The following SLC26A7 variants were observed in gnomAD, a reference collection of about 807,000 sequenced individuals.
SLC26A7 encodes solute carrier family 26 member 7.
SLC26A7 carries 59 observed loss-of-function variants against 82.5 expected under a neutral mutation model. The ratio of observed to expected loss-of-function variants is 0.72; its 90% CI spans 0.58 to 0.89. The LOEUF (loss-of-function observed/expected upper bound fraction) is 0.89. Ranked by LOEUF, SLC26A7 falls within the 40% of genes least tolerant of loss-of-function variation. The probability of loss-of-function intolerance (pLI) is 0.00; values close to 1 mark genes in which losing one functional copy is unlikely to be tolerated. For synonymous variants in SLC26A7, 271 were observed against 274.3 expected (o/e 0.99, Z 0.12); for missense variants, 820 against 793.0 (o/e 1.03, Z -0.41).
At chr8:91,318,933 A>G (rs1812716637) in intron 5 of SLC26A7, among the ~76,000 whole-genome samples, 1 of 152,212 alleles carries the variant, frequency 6.6e-6, no homozygotes, top group Non-Finnish European at 1.5e-5. Flanking sequence ...TAAAATCTAT[A>G]ACCGCTCAAG....
intron 15 of SLC26A7, among the ~76,000 whole-genome samples, chr8:91,380,591 C>T (rs1377182088): frequency 1.3e-5 from 2 of 152,016 alleles, no homozygotes; most frequent in African/African-American, 4.8e-5. Flanking sequence ...TATGACATAC[C>T]ATTAAGATAG....
chr8:91,385,627 T>C (rs1814779716), intron 15 of SLC26A7, among the ~76,000 whole-genome samples: 1 of 152,136 alleles, frequency 6.6e-6, no homozygotes, highest in Admixed American at 6.5e-5. Context: ...AATACTTCAA[T>C]TAAAGGGATA....
At chr8:91,356,142 G>T (rs1379920133) in intron 11 of SLC26A7, among the ~76,000 whole-genome samples, 1 of 152,104 alleles carries the variant, frequency 6.6e-6, no homozygotes, top group Non-Finnish European at 1.5e-5. Flanking sequence ...TGGACATTTG[G>T]GTTGGTTCCA....
intron 11 of SLC26A7, among the ~76,000 whole-genome samples, chr8:91,355,806 C>T (rs549416034): frequency 1.3e-5 from 2 of 151,958 alleles, no homozygotes; most frequent in East Asian, 3.9e-4. Flanking sequence ...ATACATGTGC[C>T]ATGTTGGTGT....
chr8:91,236,201 G>T (rs1810390967), intron 2 of SLC26A7, among the ~76,000 whole-genome samples: 1 of 152,080 alleles, frequency 6.6e-6, no homozygotes, highest in African/African-American at 2.4e-5. Context: ...GCATGAAAAA[G>T]AAAATAGAAA....
intron 11 of SLC26A7, among the ~76,000 whole-genome samples, chr8:91,358,847 C>T (rs1474315666): frequency 6.6e-6 from 1 of 151,974 alleles, no homozygotes; most frequent in Non-Finnish European, 1.5e-5. Context: ...AACCAAACAC[C>T]ACATGTTCTC....
In SLC26A7 at chr8:91,395,305, T is replaced by C. The variant is rs1307451673; in HGVS notation, c.*208T>C. 1 of 1,289,862 alleles carries C rather than the reference T, an allele frequency of 7.8e-7. No individual in the cohort carries two copies. The highest frequency in any genetic ancestry group is 1.0e-6 in the Non-Finnish European group (1 of 998,652). The allele number at this position is 1,289,862 out of a possible 1,614,324, so 79.9% of individuals were successfully genotyped here. ...GTTAGTAAGAAGATTCGCTTAGTTA[T>C]TTTATGTAAAAATCAGTATGTGTTT... On this transcript the variant is annotated 3_prime_UTR_variant, in exon 19 of 19. Transcript: ENST00000276609.
intron 15 of SLC26A7, among the ~76,000 whole-genome samples, chr8:91,373,034 G>A (rs981124902): frequency 2.6e-5 from 4 of 151,690 alleles, no homozygotes; most frequent in Admixed American, 2.6e-4. Flanking sequence ...CTTCAGCTTT[G>A]TTGGTGTACA....
chr8:91,237,762 A>G (rs1810412318), intron 2 of SLC26A7, among the ~76,000 whole-genome samples: 1 of 152,178 alleles, frequency 6.6e-6, no homozygotes, highest in African/African-American at 2.4e-5. Context: ...TTCAACTGCA[A>G]TCTGGTTTCT....
intron 2 of SLC26A7, among the ~76,000 whole-genome samples, chr8:91,233,444 G>T (rs1416346972): frequency 6.6e-6 from 1 of 152,050 alleles, no homozygotes; most frequent in Non-Finnish European, 1.5e-5. Flanking sequence ...GCACACACCT[G>T]TAATCCTAGC....
Position 91,393,826 on chromosome 8 carries a change from G to A in SLC26A7, c.1806G>A (p.Val602=). ...ACATGGACTGTAAAGGCAGGAGTGTGGATGTATTGTTAGCCCATTGTACAG... is the reference window on the plus strand; with the variant it reads ...ACATGGACTGTAAAGGCAGGAGTGTAGATGTATTGTTAGCCCATTGTACAG... The part of the protein sequence containing the change: ...EVYMDCKGRS[V]DVLLAHCTAS... The change falls in exon 17 of 19, where the codon GTG becomes GTA. Residue 602 remains valine, a synonymous_variant. Transcript: ENST00000276609. 2 of 1,613,678 alleles carry A rather than the reference G, an allele frequency of 1.2e-6. No individual in the cohort carries two copies. The highest frequency in any genetic ancestry group is 1.7e-6 in the Non-Finnish European group (2 of 1,179,650).
intron 2 of SLC26A7, among the ~76,000 whole-genome samples, chr8:91,286,217 A>G (rs1811706132): frequency 6.6e-6 from 1 of 152,172 alleles, no homozygotes; most frequent in Non-Finnish European, 1.5e-5. Flanking sequence ...GGGACAAGGC[A>G]TACTGGTGGC....
chr8:91,322,245 AT>A (rs1308438609), intron 5 of SLC26A7, among the ~76,000 whole-genome samples: 1 of 152,162 alleles, frequency 6.6e-6, no homozygotes, highest in African/African-American at 2.4e-5. Flanking sequence ...TAAAAAAGCT[AT>A]GTTTTTTAGT....
chr8:91,332,894 A>G (rs566792315), intron 5 of SLC26A7, among the ~76,000 whole-genome samples: 17 of 152,206 alleles, frequency 1.1e-4, no homozygotes, highest in Admixed American at 3.9e-4. Context: ...GTTTGTTAGT[A>G]TAAACCCATA....
chr8:91,252,325 T>C (rs1476341513), intron 2 of SLC26A7, among the ~76,000 whole-genome samples: 2 of 152,128 alleles, frequency 1.3e-5, no homozygotes, highest in Non-Finnish European at 2.9e-5. Context: ...TTTGAGTGTT[T>C]TCTATATGTC....
chr8:91,221,509 T>G (rs1810159780), intron 2 of SLC26A7, among the ~76,000 whole-genome samples: 1 of 152,220 alleles, frequency 6.6e-6, no homozygotes, highest in Admixed American at 6.5e-5. Flanking sequence ...GTTTTAAGTC[T>G]TACATTAAGT....
intron 4 of SLC26A7, among the ~76,000 whole-genome samples, chr8:91,302,445 C>T (rs955276412): frequency 2.0e-5 from 3 of 152,122 alleles, no homozygotes; most frequent in Non-Finnish European, 4.4e-5. Flanking sequence ...TTTCTCTTCT[C>T]TGTTACCATT....
chr8:91,369,051 A>G (rs1814280780), intron 14 of SLC26A7, among the ~76,000 whole-genome samples: 1 of 152,216 alleles, frequency 6.6e-6, no homozygotes, highest in Non-Finnish European at 1.5e-5. Context: ...GCTGGGAACA[A>G]GAGGCTTGGA....
intron 18 of SLC26A7, chr8:91,394,688 C>A: frequency 9.3e-7 from 1 of 1,079,574 alleles, no homozygotes; most frequent in Non-Finnish European, 1.1e-6. Flanking sequence ...ATAATAATAA[C>A]ACTATTATTA....
Sources: gnomAD v4.1 joint callset for allele counts (sites outside exome capture counted in the v4.1 genomes callset) on GRCh38, gnomAD v4.1.1 for gene constraint, MANE v1.5 for transcripts, NCBI Gene and HGNC (gene_info 2026-07-23, HGNC 2026-07-21) for gene names.